ST7L: variants seen among roughly 807,000 people sequenced by gnomAD.
ST7L encodes suppression of tumorigenicity 7 like.
Under a neutral mutation model 72.5 loss-of-function variants are expected in ST7L, and 57 were observed. The observed-to-expected ratio is 0.79, with a 90% CI of 0.64 to 0.98. The LOEUF (loss-of-function observed/expected upper bound fraction) is 0.98. ST7L is among the 50% of genes least tolerant of loss of function. ST7L has a pLI of 0.00. For synonymous variants in ST7L, 221 were observed against 240.9 expected, an observed-to-expected ratio of 0.92 and a Z score of 0.77; for missense variants, 576 against 672.2, an observed-to-expected ratio of 0.86 and a Z score of 1.58.
Position 112,599,133 on chromosome 1 carries a change from C to T in ST7L, c.507-1047G>A, listed in dbSNP as rs1196070368. 5.6e-3 allele frequency among the ~76,000 whole-genome samples: 424 copies of T among 75,796 alleles called. 4 individuals are homozygous for T. Among genetic ancestry groups the T allele is most frequent in the African/African-American group, 0.018 (401 of 22,498 alleles). 49.7% of individuals were successfully genotyped at this position (75,796 alleles called of 152,430 possible). On this transcript the variant is annotated intron_variant, in intron 4 of 14. Transcript: ENST00000358039. ...ATATGTGGATGTGTGTGTATACACA[C>T]ACACACACACACACACACACACACA...
At chr1:112,540,356 C>T in intron 14 of ST7L, 2 of 985,390 alleles carry the variant, frequency 2.0e-6, no homozygotes, top group Non-Finnish European at 2.4e-6. Flanking sequence ...TTATTCGATG[C>T]CAGATTACAT....
rs1202138612 is a variant in ST7L, at chr1:112,524,940, TACCA to T, written c.*1069_*1072del. 1 of 152,202 alleles carries T rather than the reference TACCA, an allele frequency of 6.6e-6. No individual in the cohort carries two copies. Among genetic ancestry groups the T allele is most frequent in the East Asian group, 1.9e-4 (1 of 5,194 alleles). 9.4% of individuals were successfully genotyped at this position (152,202 alleles called of 1,614,324 possible). On this transcript the variant is annotated 3_prime_UTR_variant, in exon 15 of 15. Transcript: ENST00000358039. ...TCAAGGAATATCTACAAAGTCACATTACCAACCTGCAGGCAACTCTTTGGTTTGG... is the reference window on the plus strand; with the variant it reads ...TCAAGGAATATCTACAAAGTCACATTACCTGCAGGCAACTCTTTGGTTTGG...
chr1:112,609,676 A>G (rs2101024838), intron 3 of ST7L, among the ~76,000 whole-genome samples: 1 of 152,202 alleles, frequency 6.6e-6, no homozygotes, highest in Non-Finnish European at 1.5e-5. Context: ...ACAAAATATT[A>G]GCCAGGCATG....
Position 112,616,868 on chromosome 1 carries a change from GGTGTCAATGAAT to G in ST7L, c.221_232del (p.Asn74_Pro78delinsThr). 1 of 1,604,934 alleles carries G rather than the reference GGTGTCAATGAAT, an allele frequency of 6.2e-7. No individual in the cohort carries two copies. The highest frequency in any genetic ancestry group is 8.5e-7 in the Non-Finnish European group (1 of 1,177,144). ...CCCTGTAAGTGCCACATAGAATTTG[GGTGTCAATGAAT>G]TTAAAAATACAGTCACTGTCAAAAG... is the stretch of plus-strand genomic sequence containing the variant. On this transcript the variant is annotated inframe_deletion, in exon 2 of 15. Coordinates refer to ENST00000358039, the MANE Select transcript of ST7L (RefSeq NM_017744.5).
At chr1:112,557,129 G>A (rs1659333289) in intron 11 of ST7L, among the ~76,000 whole-genome samples, 1 of 151,706 alleles carries the variant, frequency 6.6e-6, no homozygotes, top group Admixed American at 6.6e-5. Context: ...ACCCATTAAA[G>A]TATACAATTC....
At chr1:112,523,240 C>T (rs890284494), downstream of ST7L, 3 of 152,204 alleles carry the variant, frequency 2.0e-5, no homozygotes, top group African/African-American at 7.2e-5. Flanking sequence ...TGTGCTTTTC[C>T]TTGGGCTCCA....
At chr1:112,556,161 G>T in intron 11 of ST7L, 143 bp from the exon 12 acceptor site, 1 of 573,440 alleles carries the variant, frequency 1.7e-6, no homozygotes, top group Non-Finnish European at 2.7e-6. Flanking sequence ...GAAATGACAT[G>T]AAGATACTGA....
At chr1:112,582,246 A>T in intron 8 of ST7L, 129 bp downstream of exon 8, 1 of 889,778 alleles carries the variant, frequency 1.1e-6, no homozygotes, top group Non-Finnish European at 1.7e-6. Flanking sequence ...TACGTATATT[A>T]AATAAATACC....
intron 6 of ST7L, among the ~76,000 whole-genome samples, chr1:112,586,443 A>G (rs1664879580): frequency 6.6e-6 from 1 of 152,148 alleles, no homozygotes; most frequent in South Asian, 2.1e-4. Context: ...CCCTGTCTCT[A>G]AACAAAAACA....
chr1:112,579,919 A>C (rs114632255), intron 9 of ST7L, among the ~76,000 whole-genome samples: 1 of 152,200 alleles, frequency 6.6e-6, no homozygotes, highest in Non-Finnish European at 1.5e-5. Flanking sequence ...CTTGCTCATC[A>C]TAAGTATTAT....
chr1:112,595,774 C>T (rs1666395654), intron 5 of ST7L, among the ~76,000 whole-genome samples: 1 of 152,078 alleles, frequency 6.6e-6, no homozygotes, highest in African/African-American at 2.4e-5. Flanking sequence ...GATTTCATAA[C>T]ATAGATTGAA....
intron 14 of ST7L, chr1:112,539,161 G>C (rs12029985): frequency 0.19 from 29,508 of 152,086 alleles, 3,574 homozygotes; most frequent in East Asian, 0.46. Context: ...AGGATCACCT[G>C]GGGATCTTGT....
chr1:112,531,755 G>T (rs1654417011), intron 14 of ST7L, among the ~76,000 whole-genome samples: 1 of 152,160 alleles, frequency 6.6e-6, no homozygotes, highest in Admixed American at 6.5e-5. Context: ...CAATGAATTT[G>T]AAATGCAAAG....
chr1:112,550,711 T>C lies in ST7L; in HGVS notation c.1397-18A>G. On this transcript the variant is annotated intron_variant, in intron 12 of 14. Coordinates refer to ENST00000358039, the MANE Select transcript of ST7L (RefSeq NM_017744.5). Reference sequence around the variant, plus strand: ...TCTAAAAGCTGAGGAAAAAAAAGCATGTGTTGATACTCAATTCTGTCTCAT... The same window carrying C: ...TCTAAAAGCTGAGGAAAAAAAAGCACGTGTTGATACTCAATTCTGTCTCAT... The C allele has an allele frequency of 6.3e-7, 1 of 1,585,700 alleles. No homozygotes were observed.
Position 112,525,393 on chromosome 1 carries a change from T to C in ST7L, c.*620A>G, listed in dbSNP as rs1454319130. 1 of 152,254 alleles carries C rather than the reference T, an allele frequency of 6.6e-6. No individual in the cohort carries two copies. The highest frequency in any genetic ancestry group is 1.5e-5 in the Non-Finnish European group (1 of 68,098). 9.4% of individuals were successfully genotyped at this position (152,254 alleles called of 1,614,324 possible). ...TGGGTGATTGGCAGGTATAGGGCAA[T>C]AGCCAGTGGGGTGTCAGTAATATGC... is the stretch of plus-strand genomic sequence containing the variant. On this transcript the variant is annotated 3_prime_UTR_variant, in exon 15 of 15. Transcript: ENST00000358039.
intron 4 of ST7L, among the ~76,000 whole-genome samples, chr1:112,599,047 G>C (rs1396829341): frequency 1.1e-5 from 1 of 88,740 alleles, no homozygotes; most frequent in African/African-American, 4.2e-5. Flanking sequence ...ATGACAGAGA[G>C]AGACTCAGCC....
At chr1:112,544,620 T>C (rs938572985) in intron 13 of ST7L, among the ~76,000 whole-genome samples, 1 of 152,222 alleles carries the variant, frequency 6.6e-6, no homozygotes, top group Non-Finnish European at 1.5e-5. Flanking sequence ...GGGAAACACA[T>C]ACAAGACAGC....
At chr1:112,564,172 A>C (rs116619463) in intron 11 of ST7L, among the ~76,000 whole-genome samples, 2,056 of 152,318 alleles carry the variant, frequency 0.013, 57 homozygotes, top group African/African-American at 0.047. Flanking sequence ...AGAAAACATA[A>C]TACTACCTAA....
chr1:112,533,502 A>G (rs1370917754), intron 14 of ST7L, among the ~76,000 whole-genome samples: 2 of 151,904 alleles, frequency 1.3e-5, no homozygotes, highest in South Asian at 2.1e-4. Context: ...TTTTTAGTAG[A>G]GACGCGGTTT....
Sources: allele counts gnomAD v4.1 joint callset (sites outside exome capture counted in the v4.1 genomes callset), GRCh38; gene constraint gnomAD v4.1.1; transcripts MANE v1.5; gene names NCBI Gene and HGNC (gene_info 2026-07-23, HGNC 2026-07-21).